The following MYO3B variants were observed in gnomAD, a reference collection of about 807,000 sequenced individuals.
The protein encoded by MYO3B is myosin-IIIb.
MYO3B carries 156 observed loss-of-function variants against 174.6 expected under a neutral mutation model. The observed-to-expected ratio is 0.89, with a 90% CI of 0.78 to 1.02. The LOEUF is 1.02. MYO3B is among the 50% of genes least tolerant of loss of function. MYO3B has a pLI of 0.00. For synonymous variants in MYO3B, 563 were observed against 569.1 expected, an observed-to-expected ratio of 0.99 and a Z score of 0.15; for missense variants, 1,632 against 1,639.4, an observed-to-expected ratio of 1.00 and a Z score of 0.08.
rs1354820625 is a variant in MYO3B at position 170,178,196 on chromosome 2, G to T, written c.-92G>T. 7.3e-6 allele frequency: 11 copies of T among 1,511,128 alleles called. No homozygotes were observed. Among genetic ancestry groups the T allele is most frequent in the Non-Finnish European group, 9.2e-6 (10 of 1,086,390 alleles). 93.6% of individuals were successfully genotyped at this position (1,511,128 alleles called of 1,614,324 possible). On this transcript the variant is annotated 5_prime_UTR_variant, in exon 1 of 35. Transcript: ENST00000408978. ...TGTGTCATACATTCTAGTCATCAAA[G>T]ACACCATTTTCTGGGCCTGAAGTGT...
intron 32 of MYO3B, among the ~76,000 whole-genome samples, chr2:170,583,243 G>T (rs938889907): frequency 6.6e-6 from 1 of 152,102 alleles, no homozygotes; most frequent in Non-Finnish European, 1.5e-5. Flanking sequence ...CCTACCTAGG[G>T]TTGATCACAG....
At chr2:170,201,255 T>C (rs1403553496) in intron 3 of MYO3B, among the ~76,000 whole-genome samples, 1 of 152,216 alleles carries the variant, frequency 6.6e-6, no homozygotes, top group Non-Finnish European at 1.5e-5. Context: ...AATTAATATA[T>C]TAGGACAGGT....
At chr2:170,242,604 A>C (rs1439395041) in intron 7 of MYO3B, among the ~76,000 whole-genome samples, 1 of 152,130 alleles carries the variant, frequency 6.6e-6, no homozygotes. Context: ...TAGCTTTGCA[A>C]GGTTTCATTT....
intron 23 of MYO3B, among the ~76,000 whole-genome samples, chr2:170,458,955 C>T (rs986081006): frequency 1.3e-5 from 2 of 152,102 alleles, no homozygotes; most frequent in African/African-American, 2.4e-5. Flanking sequence ...TGGACCCTCG[C>T]GGTGAGTGTT....
chr2:170,453,905 C>T (rs1683759905), intron 23 of MYO3B, among the ~76,000 whole-genome samples: 1 of 152,198 alleles, frequency 6.6e-6, no homozygotes, highest in Non-Finnish European at 1.5e-5. Flanking sequence ...ACCAGGAATT[C>T]AATGAGTGGT....
chr2:170,303,204 A>G (rs1247787565), intron 7 of MYO3B, among the ~76,000 whole-genome samples: 1 of 152,208 alleles, frequency 6.6e-6, no homozygotes, highest in Admixed American at 6.5e-5. Context: ...TACTAAAAAA[A>G]GTATTATAAT....
chr2:170,382,989 G>A (rs2094346584), intron 10 of MYO3B, 84 bp from the exon 11 acceptor site: 1 of 845,846 alleles, frequency 1.2e-6, no homozygotes, highest in South Asian at 1.6e-5. Context: ...GATGTTCTTG[G>A]AAGAATAAAT....
intron 32 of MYO3B, among the ~76,000 whole-genome samples, chr2:170,629,649 A>G (rs1696772740): frequency 6.6e-6 from 1 of 152,186 alleles, no homozygotes; most frequent in Admixed American, 6.5e-5. Context: ...TAGGAGTTCA[A>G]GACCAGCCTG....
chr2:170,387,408 C>A, intron 14 of MYO3B, 100 bp downstream of exon 14: 1 of 1,050,694 alleles, frequency 9.5e-7, no homozygotes, highest in Non-Finnish European at 1.4e-6. Flanking sequence ...TCTTAACATT[C>A]CCCTACCCTC....
chr2:170,501,267 G>A (rs1462676320), intron 27 of MYO3B, among the ~76,000 whole-genome samples: 1 of 152,044 alleles, frequency 6.6e-6, no homozygotes, highest in African/African-American at 2.4e-5. Context: ...TCTCGGCACA[G>A]AATTCACTCA....
chr2:170,521,396 T>A (rs1400044489), intron 30 of MYO3B, among the ~76,000 whole-genome samples: 1 of 152,202 alleles, frequency 6.6e-6, no homozygotes, highest in African/African-American at 2.4e-5. Context: ...ATTTTCCAAC[T>A]GTTTGACCTT....
At chr2:170,493,160 C>T (rs16858499) in intron 25 of MYO3B, among the ~76,000 whole-genome samples, 4 of 152,120 alleles carry the variant, frequency 2.6e-5, no homozygotes, top group Admixed American at 2.0e-4. Flanking sequence ...AGCATAATAA[C>T]GTGTAACATG....
chr2:170,234,096 A>G lies in MYO3B; in HGVS notation c.604-1895A>G, dbSNP rs371715777. 5.1e-3 allele frequency among the ~76,000 whole-genome samples: 720 copies of G among 140,254 alleles called. 5 individuals are homozygous for G. The highest frequency in any genetic ancestry group is 0.017 in the African/African-American group (677 of 38,892). The allele number at this position is 140,254 out of a possible 152,430, so 92.0% of individuals were successfully genotyped here. On this transcript the variant is annotated intron_variant, in intron 6 of 34. Coordinates refer to ENST00000408978, the MANE Select transcript of MYO3B (RefSeq NM_138995.5). The stretch of plus-strand genomic sequence containing the variant: ...TGAGGCAGGAGAATGGCGTGAACCC[A>G]GGAGGCGGAGCTTGCAGTGAGCCGA...
intron 32 of MYO3B, among the ~76,000 whole-genome samples, chr2:170,575,969 A>C (rs960088399): frequency 1.3e-5 from 2 of 152,310 alleles, no homozygotes; most frequent in Admixed American, 6.5e-5. Context: ...TTTACAAAAG[A>C]AATAAAGACT....
At chr2:170,386,136 A>G in intron 12 of MYO3B, 53 bp from the exon 13 acceptor site, 1 of 1,452,848 alleles carries the variant, frequency 6.9e-7, no homozygotes, top group South Asian at 1.2e-5. Context: ...TGAAGCATGC[A>G]AGTTGCTTCT....
At chr2:170,252,747 A>G (rs1404397476) in intron 7 of MYO3B, among the ~76,000 whole-genome samples, 1 of 152,212 alleles carries the variant, frequency 6.6e-6, no homozygotes, top group Non-Finnish European at 1.5e-5. Flanking sequence ...TTGTTATATA[A>G]TGTGCTGAGA....
In MYO3B at chr2:170,499,809, G is replaced by C; in HGVS notation, c.3289+1G>C. The C allele has an allele frequency of 6.2e-7, 1 of 1,613,658 alleles. No homozygotes were observed. The highest frequency in any genetic ancestry group is 8.5e-7 in the Non-Finnish European group (1 of 1,179,716). On this transcript the variant is annotated splice_donor_variant, in intron 27 of 34. Transcript: ENST00000408978. LOFTEE classifies it high-confidence loss of function. ...AAGGGAGCCATTGCCATCCAGTCAG[G>C]TAAATGGTCCTGTTCTCATAAATAC...
At chr2:170,432,241 TC>T (rs2094715353) in intron 22 of MYO3B, among the ~76,000 whole-genome samples, 1 of 152,192 alleles carries the variant, frequency 6.6e-6, no homozygotes, top group Non-Finnish European at 1.5e-5. Context: ...AGATGGCAAC[TC>T]CCTGTGTGTT....
At chr2:170,309,475 T>G (rs2093723444) in intron 7 of MYO3B, among the ~76,000 whole-genome samples, 1 of 152,206 alleles carries the variant, frequency 6.6e-6, no homozygotes, top group Non-Finnish European at 1.5e-5. Flanking sequence ...CTACCTTAGC[T>G]AATATTTTTT....
Sources: allele counts gnomAD v4.1 joint callset (sites outside exome capture counted in the v4.1 genomes callset), GRCh38; gene constraint gnomAD v4.1.1; transcripts MANE v1.5; gene names NCBI Gene and HGNC (gene_info 2026-07-23, HGNC 2026-07-21).